The following MGA variants were observed in gnomAD, a reference collection of about 807,000 sequenced individuals.
The protein encoded by MGA is MAX dimerization protein MGA.
Under a neutral mutation model 261.1 loss-of-function variants are expected in MGA, and 40 were observed. That is an observed-to-expected ratio of 0.15 (90% CI 0.12 to 0.20). MGA has a LOEUF of 0.20. MGA is among the 10% of genes least tolerant of loss of function. The probability of loss-of-function intolerance (pLI) is 1.00; values close to 1 mark genes in which losing one functional copy is unlikely to be tolerated. For missense variants in MGA, 3,397 were observed against 3,630.5 expected (o/e 0.94, Z 1.65); for synonymous variants, 1,302 against 1,290.6 (o/e 1.01, Z -0.19).
upstream of MGA, among the ~76,000 whole-genome samples, chr15:41,659,191 G>C (rs2057278248): frequency 6.6e-6 from 1 of 152,208 alleles, no homozygotes; most frequent in Non-Finnish European, 1.5e-5. Flanking sequence ...ACGTTTTCTA[G>C]TTCAGACTAT....
intron 1 of MGA, among the ~76,000 whole-genome samples, chr15:41,628,715 A>G (rs2056518484): frequency 6.6e-6 from 1 of 152,132 alleles, no homozygotes. Context: ...CGGGGCTCAG[A>G]TTGTGTAGAG....
Position 41,742,496 on chromosome 15 carries a change from G to A in MGA, c.4586-50G>A, listed in dbSNP as rs796881279. On this transcript the variant is annotated intron_variant, in intron 14 of 23. Transcript: ENST00000219905. ...TGTCGGTAAGCACAGTCACTAAGAG[G>A]ATAAAATATGAGAACTGAAGATTTT... 3 of 1,582,202 alleles carry A rather than the reference G, an allele frequency of 1.9e-6. No homozygotes were observed. The African/African-American group carries it at 4.0e-5, about 21-fold the overall frequency.
intron 15 of MGA, among the ~76,000 whole-genome samples, chr15:41,747,044 C>T (rs1176754962): frequency 6.6e-6 from 1 of 151,420 alleles, no homozygotes; most frequent in Non-Finnish European, 1.5e-5. Context: ...GTCTTCCAAT[C>T]AGGAAAGGGC....
chr15:41,682,653 GT>G (rs1486067342), intron 2 of MGA, among the ~76,000 whole-genome samples: 4 of 151,616 alleles, frequency 2.6e-5, no homozygotes, highest in Admixed American at 6.6e-5. Flanking sequence ...GCTAATTTTT[GT>G]GGTTTTGGTA....
chr15:41,713,626 T>G, intron 9 of MGA, 130 bp downstream of exon 9: 1 of 1,108,388 alleles, frequency 9.0e-7, no homozygotes, highest in Non-Finnish European at 1.2e-6. Context: ...CTTATTATCC[T>G]TACATGCTCT....
At chr15:41,689,562 C>CTTTTTTTTTTTTTTTTTTT (rs796926260) in intron 2 of MGA, among the ~76,000 whole-genome samples, 1 of 139,368 alleles carries the variant, frequency 7.2e-6, no homozygotes, top group Non-Finnish European at 1.5e-5. Context: ...TTTTCTTTTT[C>CTTTTTTTTTTTTTTTTTTT]TTTTTTTTTT....
Position 41,766,744 on chromosome 15 carries a change from C to T in MGA, c.8662C>T (p.Pro2888Ser), listed in dbSNP as rs1395131074. The change falls in exon 24 of 24, where the codon CCT becomes TCT. Residue 2888 changes from proline (P) to serine (S), a missense_variant. Coordinates refer to ENST00000219905, the MANE Select transcript of MGA (RefSeq NM_001164273.2). ...CTTGGGAACTGGTTTGAAAGAGTTG[C>T]CTGATGTTCAAGGGGAGAGTGACTC... 6.2e-7 allele frequency: 1 copy of T among 1,613,810 alleles called. No homozygotes were observed. The highest frequency in any genetic ancestry group is 1.3e-5 in the African/African-American group (1 of 74,904).
chr15:41,663,967 T>C (rs1343224530), intron 1 of MGA, among the ~76,000 whole-genome samples: 2 of 152,214 alleles, frequency 1.3e-5, no homozygotes, highest in Non-Finnish European at 2.9e-5. Flanking sequence ...CATATGCTTA[T>C]AGCGAAGTGG....
chr15:41,743,991 GC>G (rs1237490293), intron 15 of MGA, among the ~76,000 whole-genome samples: 3 of 152,152 alleles, frequency 2.0e-5, no homozygotes, highest in African/African-American at 7.2e-5. Context: ...ATGGAAAAGA[GC>G]AAGAGACTTT....
intron 8 of MGA, 142 bp downstream of exon 8, chr15:41,711,491 T>C: frequency 1.2e-6 from 1 of 810,800 alleles, no homozygotes; most frequent in Non-Finnish European, 1.9e-6. Flanking sequence ...ACTAAGGCTA[T>C]GTCTTCCCCA....
intron 1 of MGA, among the ~76,000 whole-genome samples, chr15:41,625,739 A>G (rs529518511): frequency 6.6e-6 from 1 of 152,132 alleles, no homozygotes; most frequent in African/African-American, 2.4e-5. Flanking sequence ...ATAAAAATAA[A>G]TAAATACGGT....
At chr15:41,690,113 A>G (rs962112449) in intron 2 of MGA, among the ~76,000 whole-genome samples, 1 of 152,022 alleles carries the variant, frequency 6.6e-6, no homozygotes, top group African/African-American at 2.4e-5. Context: ...CCCCAGCTCC[A>G]CCCAATCCAA....
chr15:41,707,269 G>C (rs550073478), intron 5 of MGA, among the ~76,000 whole-genome samples: 5 of 152,120 alleles, frequency 3.3e-5, no homozygotes, highest in Non-Finnish European at 7.3e-5. Context: ...CTCTGCTTAG[G>C]GTCTCACAAG....
intron 9 of MGA, among the ~76,000 whole-genome samples, chr15:41,713,910 T>C (rs1019590048): frequency 1.5e-4 from 23 of 152,286 alleles, no homozygotes; most frequent in African/African-American, 4.8e-4. Flanking sequence ...CCTCTGCTCA[T>C]GGTTGGAGAT....
In MGA at chr15:41,764,196, A is replaced by G. The variant is rs570833005; in HGVS notation, c.7745-690A>G. 2.9e-3 allele frequency among the ~76,000 whole-genome samples: 437 copies of G among 151,020 alleles called. 4 individuals are homozygous for G. The highest frequency in any genetic ancestry group is 4.7e-3 in the Non-Finnish European group (317 of 67,820). On this transcript the variant is annotated intron_variant, in intron 22 of 23. Transcript: ENST00000219905. Reference sequence around the variant, plus strand: ...AAAAAAAAATGGTATATTCTTTTTTACTCTTTAAATGTTTGGATAGCCCAG... The same window carrying G: ...AAAAAAAAATGGTATATTCTTTTTTGCTCTTTAAATGTTTGGATAGCCCAG...
chr15:41,692,301 C>T (rs761541667), intron 2 of MGA, among the ~76,000 whole-genome samples: 9 of 152,176 alleles, frequency 5.9e-5, no homozygotes, highest in Admixed American at 2.0e-4. Flanking sequence ...AGCCTTTCTG[C>T]GGCACTGCTG....
chr15:41,699,027 C>A, intron 4 of MGA, 37 bp from the exon 5 acceptor site: 1 of 1,575,110 alleles, frequency 6.3e-7, no homozygotes, highest in Admixed American at 1.8e-5. Context: ...CTGTAGTGTA[C>A]AGTAGCTTAT....
intron 3 of MGA, 138 bp from the exon 4 acceptor site, chr15:41,698,725 C>T: frequency 6.6e-6 from 4 of 608,732 alleles, no homozygotes; most frequent in Non-Finnish European, 1.1e-5. Context: ...AAAAATTGCT[C>T]CTGTTCTGCC....
rs578172307 is a variant in MGA at position 41,737,529 on chromosome 15, T to G, written c.4434+831T>G. 1.1e-3 allele frequency among the ~76,000 whole-genome samples: 169 copies of G among 152,302 alleles called. 1 individual carries two copies. The highest frequency in any genetic ancestry group is 1.7e-3 in the Non-Finnish European group (118 of 68,022). ...AGCCATATTTACTTAATTATATTTT[T>G]TCTTTATTTGATTCGTAGGGGTTTT... On this transcript the variant is annotated intron_variant, in intron 13 of 23. Coordinates refer to ENST00000219905, the MANE Select transcript of MGA (RefSeq NM_001164273.2).
Sources: allele counts gnomAD v4.1 joint callset (sites outside exome capture counted in the v4.1 genomes callset), GRCh38; gene constraint gnomAD v4.1.1; transcripts MANE v1.5; gene names NCBI Gene and HGNC (gene_info 2026-07-23, HGNC 2026-07-21).